The following CFAP61 variants were observed in gnomAD, a reference collection of about 807,000 sequenced individuals.
CFAP61 encodes cilia and flagella associated protein 61, also known as cilia- and flagella-associated protein 61.
Under a neutral mutation model 135.6 loss-of-function variants are expected in CFAP61, and 107 were observed. The observed-to-expected ratio is 0.79, with a 90% confidence interval of 0.67 to 0.93. The LOEUF is 0.93. Among genes scored for constraint, CFAP61 ranks in the 40% least tolerant of loss-of-function variants. The probability of loss-of-function intolerance (pLI) is 0.00; values close to 1 mark genes in which losing one functional copy is unlikely to be tolerated. For synonymous variants in CFAP61, 575 were observed against 578.5 expected, an observed-to-expected ratio of 0.99 and a Z score of 0.09; for missense variants, 1,507 against 1,556.2, an observed-to-expected ratio of 0.97 and a Z score of 0.53.
chr20:20,095,593 A>C (rs1036945789), intron 7 of CFAP61: 1 of 152,310 alleles, frequency 6.6e-6, no homozygotes, highest in African/African-American at 2.4e-5. Flanking sequence ...TTACCTTGAC[A>C]TCTGGTGTTT....
chr20:20,054,462 CTT>C (rs2044122708), intron 1 of CFAP61, among the ~76,000 whole-genome samples: 1 of 151,878 alleles, frequency 6.6e-6, no homozygotes, highest in South Asian at 2.1e-4. Flanking sequence ...TTACATTAAA[CTT>C]TATATGTAGT....
chr20:20,195,083 A>T (rs2056194692), intron 15 of CFAP61, among the ~76,000 whole-genome samples: 1 of 152,168 alleles, frequency 6.6e-6, no homozygotes, highest in Non-Finnish European at 1.5e-5. Flanking sequence ...CTTATAGTAT[A>T]AAGGCCATTA....
intron 21 of CFAP61, among the ~76,000 whole-genome samples, chr20:20,264,634 C>G (rs1381619899): frequency 6.6e-6 from 1 of 151,958 alleles, no homozygotes; most frequent in African/African-American, 2.4e-5. Context: ...TGTAAAATAC[C>G]AGTAAATATC....
In CFAP61 at chr20:20,056,794, T is replaced by C. The variant is rs146825557; in HGVS notation, c.141T>C (p.Leu47=). Residue 47 remains leucine, a splice_region_variant and synonymous_variant, in exon 2 of 27, where the codon CTT becomes CTC. Transcript: ENST00000245957. ...TTGGGAAGCTAAATATCATCTATCT[T>C]CTGTAAGTAGATAACTAAGTTCAAG... ...KLFGKLNIIY[L]LEKANLAVTL... is the part of the protein sequence containing the mutation. The C allele has an allele frequency of 7.7e-5, 124 of 1,613,598 alleles. No homozygotes were observed. The highest frequency in any genetic ancestry group is 3.3e-4 in the Middle Eastern group (2 of 6,084).
At chr20:20,272,073 A>C (rs2053401277) in intron 21 of CFAP61, among the ~76,000 whole-genome samples, 1 of 152,232 alleles carries the variant, frequency 6.6e-6, no homozygotes, top group South Asian at 2.1e-4. Flanking sequence ...ATATGGACAT[A>C]CTATATATCC....
chr20:20,134,637 G>A (rs2424263), intron 8 of CFAP61, among the ~76,000 whole-genome samples: 137,429 of 152,210 alleles, frequency 0.9, 62,860 homozygotes, highest in Middle Eastern at 0.99. Context: ...GATCTGGGAG[G>A]TATTTTAGAT....
intron 10 of CFAP61, among the ~76,000 whole-genome samples, chr20:20,159,899 T>A (rs1247839973): frequency 2.0e-5 from 3 of 152,222 alleles, no homozygotes; most frequent in African/African-American, 4.8e-5. Context: ...TGTTACAAAT[T>A]CAGGCCAAGG....
chr20:20,313,687 G>A (rs139207683), intron 25 of CFAP61, among the ~76,000 whole-genome samples: 2 of 152,298 alleles, frequency 1.3e-5, no homozygotes, highest in East Asian at 1.9e-4. Context: ...AGAGCACCTC[G>A]TGGGTGTCTT....
chr20:20,230,352 T>C (rs980966998), intron 18 of CFAP61, among the ~76,000 whole-genome samples: 6 of 152,240 alleles, frequency 3.9e-5, no homozygotes, highest in Admixed American at 3.9e-4. Context: ...TCTCTAATTA[T>C]TTTAAGTCAG....
chr20:20,356,026 A>G (rs1217411316), intron 26 of CFAP61, among the ~76,000 whole-genome samples: 2 of 106,856 alleles, frequency 1.9e-5, no homozygotes, highest in African/African-American at 3.7e-5. Context: ...GTGAGAGGGG[A>G]GGTGACCACA....
intron 9 of CFAP61, among the ~76,000 whole-genome samples, chr20:20,155,925 A>G (rs1206286806): frequency 6.6e-6 from 1 of 152,186 alleles, no homozygotes; most frequent in Non-Finnish European, 1.5e-5. Flanking sequence ...CTGGGTGTCT[A>G]CCGAGTGGAA....
intron 26 of CFAP61, among the ~76,000 whole-genome samples, chr20:20,346,390 C>T (rs949918468): frequency 4.6e-5 from 7 of 150,896 alleles, no homozygotes; most frequent in East Asian, 2.0e-4. Context: ...TGGTGGTGGG[C>T]GGCTGTAGTC....
intron 25 of CFAP61, among the ~76,000 whole-genome samples, chr20:20,333,078 A>G (rs2122317659): frequency 6.6e-6 from 1 of 152,394 alleles, no homozygotes; most frequent in Admixed American, 6.5e-5. Context: ...AGTTATGCCA[A>G]AGAAAGACTT....
chr20:20,308,961 C>G (rs920797332), intron 25 of CFAP61, among the ~76,000 whole-genome samples: 1 of 152,124 alleles, frequency 6.6e-6, no homozygotes, highest in Non-Finnish European at 1.5e-5. Context: ...TGCCGAACTC[C>G]AAGAAACAAC....
chr20:20,290,146 C>T (rs1408022256), intron 23 of CFAP61, among the ~76,000 whole-genome samples, 154 bp from the exon 24 acceptor site: 2 of 152,228 alleles, frequency 1.3e-5, no homozygotes, highest in African/African-American at 2.4e-5. Context: ...TCAACCACCC[C>T]AGGGAGTTCC....
chr20:20,099,154 C>CACAA (rs1319970655), intron 8 of CFAP61, among the ~76,000 whole-genome samples: 1 of 151,776 alleles, frequency 6.6e-6, no homozygotes, highest in African/African-American at 2.4e-5. Flanking sequence ...CACACACACA[C>CACAA]AACCAAATAC....
intron 20 of CFAP61, among the ~76,000 whole-genome samples, chr20:20,256,783 CT>C (rs972250928): frequency 3.3e-5 from 5 of 152,182 alleles, no homozygotes; most frequent in African/African-American, 9.6e-5. Flanking sequence ...TAGAAGAAAA[CT>C]TTTTTACCCG....
chr20:20,210,290 C>T (rs980641250), intron 17 of CFAP61, among the ~76,000 whole-genome samples: 3 of 152,220 alleles, frequency 2.0e-5, no homozygotes, highest in East Asian at 3.8e-4. Context: ...TCCCCTCTGG[C>T]TTTCCTCCTC....
chr20:20,099,170 G>C (rs1378385227), intron 8 of CFAP61, among the ~76,000 whole-genome samples: 2 of 147,132 alleles, frequency 1.4e-5, no homozygotes, highest in African/African-American at 5.0e-5. Context: ...AATACAACAA[G>C]TGAATTTTTC....
Sources: allele counts gnomAD v4.1 joint callset (sites outside exome capture counted in the v4.1 genomes callset), GRCh38; gene constraint gnomAD v4.1.1; transcripts MANE v1.5; gene names NCBI Gene and HGNC (gene_info 2026-07-23, HGNC 2026-07-21).